Variants in KCNB2 observed in about 807,000 individuals in gnomAD.
KCNB2 encodes the protein delayed rectifier potassium channel protein.
Under a neutral mutation model 61.5 loss-of-function variants are expected in KCNB2, and 15 were observed. The ratio of observed to expected loss-of-function variants is 0.24; its 90% CI spans 0.16 to 0.38. The LOEUF (loss-of-function observed/expected upper bound fraction) is 0.38. KCNB2 is among the 10% of genes least tolerant of loss of function. KCNB2 has a pLI of 1.00. For missense variants in KCNB2, 828 were observed against 1,125.2 expected, an observed-to-expected ratio of 0.74 and a Z score of 3.78; for synonymous variants, 457 against 446.0, an observed-to-expected ratio of 1.02 and a Z score of -0.31.
At chr8:72,860,920 T>C (rs1226926592) in intron 2 of KCNB2, among the ~76,000 whole-genome samples, 8 of 152,224 alleles carry the variant, frequency 5.3e-5, no homozygotes, top group Non-Finnish European at 1.0e-4. Flanking sequence ...TACTGTATTA[T>C]AAACCACTTC....
chr8:72,656,748 A>G (rs752170782), intron 2 of KCNB2, among the ~76,000 whole-genome samples: 13 of 152,162 alleles, frequency 8.5e-5, no homozygotes, highest in Non-Finnish European at 1.6e-4. Context: ...GTATTTGTAG[A>G]TAACACTTTT....
chr8:72,853,369 C>CAGGAGGGATCA (rs1461600805), intron 2 of KCNB2, among the ~76,000 whole-genome samples: 1 of 152,164 alleles, frequency 6.6e-6, no homozygotes, highest in East Asian at 1.9e-4. Flanking sequence ...TCCAAAGCTC[C>CAGGAGGGATCA]AGGAGGGATC....
At chr8:72,704,960 A>ATTG (rs3032006) in intron 2 of KCNB2, among the ~76,000 whole-genome samples, 109,319 of 151,696 alleles carry the variant, frequency 0.72, 40,658 homozygotes, top group African/African-American at 0.9. Context: ...TTAATTTTTT[A>ATTG]TTGTATTGTT....
chr8:72,725,521 AT>A (rs1807619421), intron 2 of KCNB2, among the ~76,000 whole-genome samples: 2 of 45,172 alleles, frequency 4.4e-5, no homozygotes, highest in Admixed American at 1.9e-4. Context: ...ATATATATAT[AT>A]ATATATATAT....
chr8:72,541,599 G>GATC (rs1449785952), intron 1 of KCNB2, among the ~76,000 whole-genome samples: 1 of 152,056 alleles, frequency 6.6e-6, no homozygotes, highest in Non-Finnish European at 1.5e-5. Flanking sequence ...ACTCACCAAA[G>GATC]GATGCCCTGC....
intron 2 of KCNB2, among the ~76,000 whole-genome samples, chr8:72,748,879 C>T (rs1171082665): frequency 6.6e-6 from 1 of 152,016 alleles, no homozygotes; most frequent in Admixed American, 6.6e-5. Flanking sequence ...AATCTATTCT[C>T]TTTGCAATTT....
intron 2 of KCNB2, among the ~76,000 whole-genome samples, chr8:72,758,571 C>A (rs1045296691): frequency 3.9e-5 from 6 of 152,174 alleles, no homozygotes; most frequent in Admixed American, 3.9e-4. Flanking sequence ...AGAGTAAAAT[C>A]TCCTGTTTGT....
At chr8:72,886,022 T>A (rs1805801999) in intron 2 of KCNB2, among the ~76,000 whole-genome samples, 2 of 152,202 alleles carry the variant, frequency 1.3e-5, no homozygotes, top group South Asian at 4.1e-4. Context: ...GAAAAAAACA[T>A]GTTATTCCCT....
chr8:72,916,116 G>A (rs556022321), intron 2 of KCNB2, among the ~76,000 whole-genome samples: 2 of 152,238 alleles, frequency 1.3e-5, no homozygotes, highest in Admixed American at 6.5e-5. Context: ...TCCATGGAGT[G>A]GATCCAGGAG....
At chr8:72,725,557 G>GTGTA (rs1807625161) in intron 2 of KCNB2, among the ~76,000 whole-genome samples, 1 of 55,018 alleles carries the variant, frequency 1.8e-5, no homozygotes, top group Non-Finnish European at 3.9e-5. Flanking sequence ...ATATATATAT[G>GTGTA]TATATATGTA....
intron 2 of KCNB2, among the ~76,000 whole-genome samples, chr8:72,606,534 T>C (rs1805455043): frequency 6.6e-6 from 1 of 152,190 alleles, no homozygotes; most frequent in South Asian, 2.1e-4. Flanking sequence ...TATTTCACCA[T>C]CAGAAACAAA....
intron 2 of KCNB2, among the ~76,000 whole-genome samples, chr8:72,848,727 T>C (rs1322104679): frequency 2.0e-5 from 3 of 152,022 alleles, no homozygotes; most frequent in Non-Finnish European, 4.4e-5. Context: ...TCATTTCCTT[T>C]CTCCTAAAAT....
chr8:72,599,293 C>A lies in KCNB2; in HGVS notation c.579+30980C>A, dbSNP rs771473424. 2.0e-5 allele frequency among the ~76,000 whole-genome samples: 3 copies of A among 152,046 alleles called. No homozygotes were observed. The South Asian group carries it at 6.2e-4, about 32-fold the overall frequency. ...AGAACAGAGCCCTCCGAAATAATGC[C>A]GCATATCTACAACTATCTGATCTTT... On this transcript the variant is annotated intron_variant, in intron 2 of 2. Coordinates refer to ENST00000523207, the MANE Select transcript of KCNB2 (RefSeq NM_004770.3).
intron 2 of KCNB2, among the ~76,000 whole-genome samples, chr8:72,783,436 T>C (rs1808797190): frequency 6.6e-6 from 1 of 152,154 alleles, no homozygotes; most frequent in African/African-American, 2.4e-5. Context: ...TCTCAGGCCC[T>C]TGAGTATGCA....
chr8:72,558,121 A>G (rs747093367), intron 1 of KCNB2, among the ~76,000 whole-genome samples: 6 of 152,238 alleles, frequency 3.9e-5, no homozygotes, highest in Non-Finnish European at 8.8e-5. Flanking sequence ...AGATGCAGAT[A>G]TGGATACAGA....
At chr8:72,931,588 G>T (rs1227579366) in intron 2 of KCNB2, among the ~76,000 whole-genome samples, 1 of 152,070 alleles carries the variant, frequency 6.6e-6, no homozygotes, top group Non-Finnish European at 1.5e-5. Flanking sequence ...CTCATGATTT[G>T]GCTCTCTGTT....
At chr8:72,704,174 A>G (rs1323854172) in intron 2 of KCNB2, among the ~76,000 whole-genome samples, 1 of 152,180 alleles carries the variant, frequency 6.6e-6, no homozygotes, top group East Asian at 1.9e-4. Flanking sequence ...TCATTTAGTC[A>G]GTGGCATTTA....
In KCNB2 at chr8:72,682,649, G is replaced by A. The variant is rs970663265; in HGVS notation, c.579+114336G>A. ...CACTCTGTTTCCCAGGATGGAATGC[G>A]GTGGCACAATCATGGCTCACTGCAG... On this transcript the variant is annotated intron_variant, in intron 2 of 2. Coordinates refer to ENST00000523207, the MANE Select transcript of KCNB2 (RefSeq NM_004770.3). Among the ~76,000 whole-genome samples, 11 of 151,518 alleles carry A rather than the reference G, an allele frequency of 7.3e-5. 1 individual carries two copies. Among genetic ancestry groups the A allele is most frequent in the Admixed American group, 3.9e-4 (6 of 15,234 alleles).
intron 2 of KCNB2, among the ~76,000 whole-genome samples, chr8:72,668,918 T>C (rs1400854003): frequency 6.6e-6 from 1 of 151,582 alleles, no homozygotes; most frequent in East Asian, 1.9e-4. Context: ...ATTATATATT[T>C]GTGTGTGTGT....
Sources: gnomAD v4.1 joint callset for allele counts (sites outside exome capture counted in the v4.1 genomes callset) on GRCh38, gnomAD v4.1.1 for gene constraint, MANE v1.5 for transcripts, NCBI Gene and HGNC (gene_info 2026-07-23, HGNC 2026-07-21) for gene names.